C12orf42: variants seen among roughly 807,000 people sequenced by gnomAD.
C12orf42 encodes chromosome 12 open reading frame 42.
C12orf42 carries 25 observed loss-of-function variants against 21.6 expected under a neutral mutation model. That is an observed-to-expected ratio of 1.16 (90% CI 0.84 to 1.62). The LOEUF (loss-of-function observed/expected upper bound fraction) is 1.62. Ranked by LOEUF, C12orf42 falls within the 40% of genes most tolerant of loss-of-function variation. C12orf42 has a pLI of 0.00. For synonymous variants in C12orf42, 174 were observed against 175.0 expected, an observed-to-expected ratio of 0.99 and a Z score of 0.05; for missense variants, 483 against 459.3, an observed-to-expected ratio of 1.05 and a Z score of -0.47.
At chr12:103,436,055 G>T (rs1035650795) in intron 2 of C12orf42, among the ~76,000 whole-genome samples, 1 of 151,904 alleles carries the variant, frequency 6.6e-6, no homozygotes, top group Non-Finnish European at 1.5e-5. Flanking sequence ...CGGATCTCTC[G>T]GCAGAAACCC....
chr12:103,454,757 C>T (rs1490056809), intron 2 of C12orf42, among the ~76,000 whole-genome samples: 3 of 152,238 alleles, frequency 2.0e-5, no homozygotes, highest in East Asian at 3.9e-4. Flanking sequence ...TTATTTCATT[C>T]CATCTTTGTT....
intron 2 of C12orf42, among the ~76,000 whole-genome samples, chr12:103,429,077 C>G (rs1950069759): frequency 1.3e-5 from 2 of 152,212 alleles, no homozygotes; most frequent in Non-Finnish European, 2.9e-5. Context: ...GATGCCTTCT[C>G]TCACCATTCC....
the C12orf42 span, among the ~76,000 whole-genome samples, chr12:103,136,682 C>T: frequency 1.3e-5 from 2 of 152,148 alleles, no homozygotes; most frequent in Non-Finnish European, 2.9e-5. Context: ...TAAAAACAGA[C>T]ACATCAAACA....
At chr12:103,209,424 A>T in the C12orf42 span, among the ~76,000 whole-genome samples, 1 of 152,232 alleles carries the variant, frequency 6.6e-6, no homozygotes, top group Non-Finnish European at 1.5e-5. Flanking sequence ...AATTAATTAG[A>T]AAGCTGTGTA....
chr12:103,100,923 G>T, the C12orf42 span, among the ~76,000 whole-genome samples: 2 of 152,318 alleles, frequency 1.3e-5, no homozygotes, highest in Admixed American at 1.3e-4. Context: ...ATAGTGGTGA[G>T]AACTGAATTC....
At chr12:103,127,923 T>A in the C12orf42 span, among the ~76,000 whole-genome samples, 1 of 152,312 alleles carries the variant, frequency 6.6e-6, no homozygotes, top group South Asian at 2.1e-4. Context: ...ATCAGAGAAG[T>A]TAATATAAAA....
intron 2 of C12orf42, among the ~76,000 whole-genome samples, chr12:103,450,505 G>C (rs1951868415): frequency 6.6e-6 from 1 of 151,966 alleles, no homozygotes; most frequent in African/African-American, 2.4e-5. Context: ...GATTATCCTT[G>C]CATGACAAAT....
the C12orf42 span, among the ~76,000 whole-genome samples, chr12:103,553,537 A>G: frequency 1.3e-5 from 2 of 152,204 alleles, no homozygotes; most frequent in Non-Finnish European, 2.9e-5. Context: ...TTCACCAGCA[A>G]CATTGTATAT....
At chr12:103,342,620 G>T (rs1042490473) in intron 4 of C12orf42, among the ~76,000 whole-genome samples, 1 of 151,602 alleles carries the variant, frequency 6.6e-6, no homozygotes, top group East Asian at 1.9e-4. Context: ...AAGAAAAAAA[G>T]CAAATCCAGA....
chr12:103,433,496 G>A (rs1436020741), intron 2 of C12orf42, among the ~76,000 whole-genome samples: 1 of 152,142 alleles, frequency 6.6e-6, no homozygotes, highest in African/African-American at 2.4e-5. Flanking sequence ...CATCTCTAAA[G>A]TACAATTTCC....
the C12orf42 span, among the ~76,000 whole-genome samples, chr12:103,095,024 G>A: frequency 8.4e-4 from 128 of 152,072 alleles, no homozygotes; most frequent in Non-Finnish European, 1.5e-3. Context: ...GGGTGATTTC[G>A]ACTTCACTTT....
At chr12:103,538,428 G>A in the C12orf42 span, among the ~76,000 whole-genome samples, 84 of 152,302 alleles carry the variant, frequency 5.5e-4, no homozygotes, top group Middle Eastern at 0.01. Flanking sequence ...CTCTGTCTCA[G>A]GGGCTGGAGG....
At chr12:103,360,857 C>T (rs990523270) in intron 4 of C12orf42, among the ~76,000 whole-genome samples, 5 of 152,074 alleles carry the variant, frequency 3.3e-5, no homozygotes, top group African/African-American at 9.7e-5. Context: ...CATCAAAGGG[C>T]ACAAGCTAAA....
At chr12:103,094,924 A>G in the C12orf42 span, among the ~76,000 whole-genome samples, 3 of 152,206 alleles carry the variant, frequency 2.0e-5, no homozygotes, top group Admixed American at 6.5e-5. Context: ...GCAACATCAA[A>G]GTTAATTTTA....
At chr12:103,310,606 C>T (rs146689007) in intron 4 of C12orf42, among the ~76,000 whole-genome samples, 2 of 152,178 alleles carry the variant, frequency 1.3e-5, no homozygotes, top group African/African-American at 4.8e-5. Flanking sequence ...CTATCAATTA[C>T]CTCCTTTCAT....
chr12:103,239,847 A>T (rs1412756914), intron 10 of C12orf42, among the ~76,000 whole-genome samples: 17 of 152,168 alleles, frequency 1.1e-4, no homozygotes, highest in Admixed American at 1.0e-3. Flanking sequence ...ATCAGAAGGG[A>T]GGAAGGAACT....
intron 2 of C12orf42, among the ~76,000 whole-genome samples, chr12:103,407,412 C>T (rs1488222581): frequency 2.6e-5 from 4 of 152,098 alleles, no homozygotes; most frequent in Non-Finnish European, 5.9e-5. Context: ...AGACAGAAGG[C>T]GAACCCCTCC....
the C12orf42 span, among the ~76,000 whole-genome samples, chr12:103,552,952 C>T: frequency 0.019 from 2,830 of 152,200 alleles, 39 homozygotes; most frequent in Non-Finnish European, 0.029. Context: ...CTTATGAGAA[C>T]TCACTCACTA....
the C12orf42 span, among the ~76,000 whole-genome samples, chr12:103,124,443 A>T: frequency 6.6e-6 from 1 of 152,044 alleles, no homozygotes. Context: ...TGACCCCTAG[A>T]ACCTGGATGG....
Sources: gnomAD v4.1 joint callset for allele counts (sites outside exome capture counted in the v4.1 genomes callset) on GRCh38, gnomAD v4.1.1 for gene constraint, MANE v1.5 for transcripts, NCBI Gene and HGNC (gene_info 2026-07-23, HGNC 2026-07-21) for gene names.